The following SLC13A1 variants were observed in gnomAD, a reference collection of about 807,000 sequenced individuals.
The protein encoded by SLC13A1 is solute carrier family 13 member 1, also known as Na(+)/sulfate cotransporter.
In SLC13A1, 65 loss-of-function variants were observed where a neutral mutation model predicts 70.0. The ratio of observed to expected loss-of-function variants is 0.93; its 90% CI spans 0.76 to 1.14. The LOEUF (loss-of-function observed/expected upper bound fraction) is 1.14, where lower values mean the gene tolerates loss of function less well. Among genes scored for constraint, SLC13A1 ranks in the 50% most tolerant of loss-of-function variants. SLC13A1 has a pLI of 0.00. For synonymous variants in SLC13A1, 275 were observed against 250.5 expected, an observed-to-expected ratio of 1.10 and a Z score of -0.92; for missense variants, 726 against 717.8, an observed-to-expected ratio of 1.01 and a Z score of -0.13.
At chr7:123,163,985 C>A (rs1794993852) in intron 6 of SLC13A1, among the ~76,000 whole-genome samples, 1 of 151,976 alleles carries the variant, frequency 6.6e-6, no homozygotes, top group African/African-American at 2.4e-5. Context: ...GGACAAAAAT[C>A]TCTGCCCCAT....
At chr7:123,139,503 G>C (rs58096978) in intron 7 of SLC13A1, among the ~76,000 whole-genome samples, 44,380 of 151,756 alleles carry the variant, frequency 0.29, 6,594 homozygotes, top group African/African-American at 0.33. Flanking sequence ...AGATTGCTTT[G>C]AGTAGTATGA....
At chr7:123,147,440 A>G (rs1794399905) in intron 6 of SLC13A1, 130 bp from the exon 7 acceptor site, 2 of 1,068,818 alleles carry the variant, frequency 1.9e-6, no homozygotes, top group Non-Finnish European at 1.3e-6. Context: ...GTATTTGGCA[A>G]TGGGGCATTT....
At chr7:123,146,681 A>T (rs1049040848) in intron 7 of SLC13A1, among the ~76,000 whole-genome samples, 1 of 152,198 alleles carries the variant, frequency 6.6e-6, no homozygotes, top group Non-Finnish European at 1.5e-5. Context: ...TTTGTAGAAT[A>T]CTTTATTACT....
At chr7:123,168,619 C>A in intron 4 of SLC13A1, 58 bp from the exon 5 acceptor site, 1 of 1,335,334 alleles carries the variant, frequency 7.5e-7, no homozygotes, top group South Asian at 1.2e-5. Context: ...ATTGGGTTTG[C>A]CTGTGTGTGG....
intron 7 of SLC13A1, among the ~76,000 whole-genome samples, chr7:123,140,617 G>C (rs1036469728): frequency 1.3e-5 from 2 of 152,034 alleles, no homozygotes; most frequent in Non-Finnish European, 2.9e-5. Flanking sequence ...TTATTAGTTT[G>C]TTCAGGTTTT....
intron 7 of SLC13A1, among the ~76,000 whole-genome samples, chr7:123,135,984 T>C (rs892968871): frequency 2.0e-5 from 3 of 152,248 alleles, no homozygotes; most frequent in Admixed American, 6.5e-5. Flanking sequence ...ATGTTTGTTG[T>C]CTCCAATTGG....
intron 8 of SLC13A1, among the ~76,000 whole-genome samples, chr7:123,133,261 T>C (rs751660959): frequency 7.9e-5 from 12 of 152,158 alleles, no homozygotes; most frequent in Non-Finnish European, 1.2e-4. Context: ...ACAATATTCT[T>C]TCCACAGAGA....
chr7:123,163,100 C>T (rs555381299), intron 6 of SLC13A1, among the ~76,000 whole-genome samples: 2 of 152,014 alleles, frequency 1.3e-5, no homozygotes, highest in Admixed American at 1.3e-4. Flanking sequence ...CAACTTTATT[C>T]CTTCTTTGGT....
chr7:123,166,879 C>A (rs370274226), intron 6 of SLC13A1, among the ~76,000 whole-genome samples: 5 of 152,038 alleles, frequency 3.3e-5, no homozygotes, highest in Admixed American at 1.3e-4. Context: ...AAAAAGTGGG[C>A]GAAGGATATG....
intron 1 of SLC13A1, among the ~76,000 whole-genome samples, chr7:123,189,125 A>AAG (rs2116656742): frequency 6.6e-6 from 1 of 150,540 alleles, no homozygotes; most frequent in Admixed American, 6.6e-5. Flanking sequence ...AAAAAAAAAA[A>AAG]AAAAAAAGAA....
chr7:123,189,133 G>GAA (rs61016384), intron 1 of SLC13A1, among the ~76,000 whole-genome samples: 2,097 of 120,354 alleles, frequency 0.017, 78 homozygotes, highest in Non-Finnish European at 0.029. Flanking sequence ...AAAAAAAAAA[G>GAA]AAAGAAAATC....
chr7:123,140,589 C>T (rs886951934), intron 7 of SLC13A1, among the ~76,000 whole-genome samples: 1 of 152,012 alleles, frequency 6.6e-6, no homozygotes, highest in African/African-American at 2.4e-5. Context: ...TTTATTATGG[C>T]TTCAATCTCA....
intron 1 of SLC13A1, among the ~76,000 whole-genome samples, chr7:123,195,771 G>C (rs1796157852): frequency 6.6e-6 from 1 of 151,918 alleles, no homozygotes; most frequent in South Asian, 2.1e-4. Context: ...TTAAAATTTG[G>C]TATCGGTTTT....
At chr7:123,124,305 T>A (rs1793485954) in intron 11 of SLC13A1, among the ~76,000 whole-genome samples, 1 of 152,170 alleles carries the variant, frequency 6.6e-6, no homozygotes, top group Non-Finnish European at 1.5e-5. Context: ...GGGCTTTGAC[T>A]GCAATGATCA....
chr7:123,171,906 T>G lies in SLC13A1; in HGVS notation c.229-2A>C. ...ATCCTTGAAATAAGCAGATGCCACC[T>G]GAAATAACAATTAAACCCGTGATTA... is the stretch of plus-strand genomic sequence containing the variant. On this transcript the variant is annotated splice_acceptor_variant, in intron 2 of 14. Coordinates refer to ENST00000194130, the MANE Select transcript of SLC13A1 (RefSeq NM_022444.4). LOFTEE classifies it high-confidence loss of function. The G allele has an allele frequency of 6.2e-7, 1 of 1,611,304 alleles. No homozygotes were observed. The highest frequency in any genetic ancestry group is 8.5e-7 in the Non-Finnish European group (1 of 1,178,638).
intron 8 of SLC13A1, among the ~76,000 whole-genome samples, chr7:123,131,637 T>TG (rs1793764454): frequency 6.6e-6 from 1 of 152,204 alleles, no homozygotes; most frequent in Admixed American, 6.5e-5. Context: ...GAATGTATGC[T>TG]AGTTTGCCAG....
chr7:123,148,374 C>G (rs1172966928), intron 6 of SLC13A1: 2 of 357,094 alleles, frequency 5.6e-6, no homozygotes, highest in African/African-American at 4.4e-5. Flanking sequence ...TTTCAGTTCT[C>G]CACCTCAGTC....
chr7:123,123,258 T>C, intron 11 of SLC13A1, 23 bp from the exon 12 acceptor site: 1 of 1,396,138 alleles, frequency 7.2e-7, no homozygotes, highest in Non-Finnish European at 1.0e-6. Context: ...AATCCTACAG[T>C]TACACATTGC....
chr7:123,190,567 T>C (rs1210223455), intron 1 of SLC13A1: 4 of 456,624 alleles, frequency 8.8e-6, no homozygotes, highest in Admixed American at 4.7e-5. Flanking sequence ...ATCTGGCCCA[T>C]GCCACTGGCC....
Sources: gnomAD v4.1 joint callset for allele counts (sites outside exome capture counted in the v4.1 genomes callset) on GRCh38, gnomAD v4.1.1 for gene constraint, MANE v1.5 for transcripts, NCBI Gene and HGNC (gene_info 2026-07-23, HGNC 2026-07-21) for gene names.